The following ZNF774 variants were observed in gnomAD, a reference collection of about 807,000 sequenced individuals.
ZNF774 encodes zinc finger protein 774.
A neutral mutation model predicts 11.1 loss-of-function variants in ZNF774; 14 were observed. The ratio of observed to expected loss-of-function variants is 1.26; its 90% CI spans 0.83 to 1.97. ZNF774 has a LOEUF of 1.97. Among genes scored for constraint, ZNF774 ranks in the 30% most tolerant of loss-of-function variants. ZNF774 has a pLI of 0.00. For synonymous variants in ZNF774, 195 were observed against 212.6 expected (o/e 0.92, Z 0.72); for missense variants, 599 against 587.0 (o/e 1.02, Z -0.21).
Position 90,354,708 on chromosome 15 carries a change from A to G in ZNF774, c.48A>G (p.Leu16=). 6.2e-7 allele frequency: 1 copy of G among 1,612,514 alleles called. No individual in the cohort carries two copies. Among genetic ancestry groups the G allele is most frequent in the Non-Finnish European group, 8.5e-7 (1 of 1,179,392 alleles). The change falls in exon 2 of 4, where the codon TTA becomes TTG. Residue 16 remains leucine, a synonymous_variant. Transcript: ENST00000354377. ...SGKSGLPGHC[L]ENPLQECHPA... The stretch of plus-strand genomic sequence containing the variant: ...AGAGTGGGTTACCTGGACACTGCTT[A>G]GAGAATCCTCTCCAGGAATGCCACC...
intron 2 of ZNF774, among the ~76,000 whole-genome samples, chr15:90,357,956 T>C (rs1596230533): frequency 6.6e-6 from 1 of 150,388 alleles, no homozygotes; most frequent in Non-Finnish European, 1.5e-5. Context: ...AGTGCAGTGG[T>C]GTGACCTCGA....
chr15:90,353,744 T>C (rs991991530), intron 1 of ZNF774, among the ~76,000 whole-genome samples: 3 of 152,048 alleles, frequency 2.0e-5, no homozygotes, highest in African/African-American at 4.8e-5. Context: ...CACAAGTGCA[T>C]GCCACCATGC....
chr15:90,359,942 T>C (rs2151682785), intron 3 of ZNF774, 101 bp from the exon 4 acceptor site: 1 of 1,322,142 alleles, frequency 7.6e-7, no homozygotes, highest in Non-Finnish European at 1.0e-6. Flanking sequence ...TTAAGTGCAG[T>C]CTGCTGCAGA....
Position 90,358,866 on chromosome 15 carries a change from T to C in ZNF774, c.120T>C (p.Ser40=). ...EWALKGISRP[S]VISQPEQKEE... Reference sequence around the variant, plus strand: ...TCCTGTGTAGAATTTCCAGGCCTAGTGTAATCTCCCAGCCGGAGCAGAAAG... The same window carrying C: ...TCCTGTGTAGAATTTCCAGGCCTAGCGTAATCTCCCAGCCGGAGCAGAAAG... The change falls in exon 3 of 4, where the codon AGT becomes AGC. Residue 40 remains serine (S), a synonymous_variant. Coordinates refer to ENST00000354377, the MANE Select transcript of ZNF774 (RefSeq NM_001004309.3). The C allele has an allele frequency of 4.3e-6, 7 of 1,613,074 alleles. No individual in the cohort carries two copies. The highest frequency in any genetic ancestry group is 5.9e-6 in the Non-Finnish European group (7 of 1,179,368).
chr15:90,360,144 C>A lies in ZNF774; in HGVS notation c.313C>A (p.Leu105Ile). The change falls in exon 4 of 4, where the codon CTT (leucine) becomes ATT (isoleucine). Residue 105 changes from leucine (L) to isoleucine (I), a missense_variant. Coordinates refer to ENST00000354377, the MANE Select transcript of ZNF774 (RefSeq NM_001004309.3). ...ERTNKDLSHT[L>I]SWGGNWEQGL... ...GACCAATAAAGATCTTTCTCATACT[C>A]TTAGTTGGGGAGGAAACTGGGAGCA... The A allele has an allele frequency of 6.2e-7, 1 of 1,614,164 alleles. No individual in the cohort carries two copies. The highest frequency in any genetic ancestry group is 1.1e-5 in the South Asian group (1 of 91,088).
Position 90,362,247 on chromosome 15 carries a change from G to A in ZNF774, c.*964G>A. 9.3e-6 allele frequency: 3 copies of A among 324,206 alleles called. No individual in the cohort carries two copies. Among genetic ancestry groups the A allele is most frequent in the Non-Finnish European group, 1.7e-5 (3 of 172,402 alleles). 20.1% of individuals were successfully genotyped at this position (324,206 alleles called of 1,614,324 possible). A position where few individuals can be genotyped will look rare whatever the true frequency, so the allele number is the denominator to read the frequency against. ...GGCCAAATTATCGTAGAGGATGTTT[G>A]CGGTCTTGTGACTTGGAGGCTGAAA... On this transcript the variant is annotated 3_prime_UTR_variant, in exon 4 of 4. Coordinates refer to ENST00000354377, the MANE Select transcript of ZNF774 (RefSeq NM_001004309.3).
Position 90,361,341 on chromosome 15 carries a change from A to C in ZNF774, c.*58A>C. The C allele has an allele frequency of 3.9e-6, 6 of 1,524,336 alleles. No homozygotes were observed. Among genetic ancestry groups the C allele is most frequent in the Non-Finnish European group, 5.3e-6 (6 of 1,142,292 alleles). The allele number at this position is 1,524,336 out of a possible 1,614,324, so 94.4% of individuals were successfully genotyped here. A position where few individuals can be genotyped will look rare whatever the true frequency, so the allele number is the denominator to read the frequency against. On this transcript the variant is annotated 3_prime_UTR_variant, in exon 4 of 4. Transcript: ENST00000354377. ...CACATTTTCATTGCTACTGTCTTCA[A>C]GCACCCCAAATAGAGAAAACCTGGG...
intron 1 of ZNF774, 102 bp downstream of exon 1, chr15:90,352,513 G>T (rs1964187321): frequency 6.6e-6 from 1 of 152,422 alleles, no homozygotes; most frequent in Admixed American, 6.5e-5. Context: ...CGGGGTTCCC[G>T]CGCTGGCCTT....
At position 90,362,665 on chromosome 15, in the gene ZNF774, T is replaced by C. The variant is rs1964352855; in HGVS notation, c.*1382T>C. 1 of 1,338,502 alleles carries C rather than the reference T, an allele frequency of 7.5e-7. No homozygotes were observed. Among genetic ancestry groups the C allele is most frequent in the African/African-American group, 1.5e-5 (1 of 68,904 alleles). 82.9% of individuals were successfully genotyped at this position (1,338,502 alleles called of 1,614,324 possible). On this transcript the variant is annotated 3_prime_UTR_variant, in exon 4 of 4. Transcript: ENST00000354377. Reference sequence around the variant, plus strand: ...AGGTAAAGTATTTGAGTCCTGGCCCTGACGCTTAATTTGGCCAGACTTTCA... The same window carrying C: ...AGGTAAAGTATTTGAGTCCTGGCCCCGACGCTTAATTTGGCCAGACTTTCA...
At chr15:90,355,521 G>C (rs549575510) in intron 2 of ZNF774, 38 of 438,666 alleles carry the variant, frequency 8.7e-5, no homozygotes, top group African/African-American at 7.0e-4. Flanking sequence ...TCAGGAGTTC[G>C]AGACCAGCCT....
chr15:90,355,884 C>T (rs1220745469), intron 2 of ZNF774, among the ~76,000 whole-genome samples: 1 of 150,852 alleles, frequency 6.6e-6, no homozygotes, highest in Non-Finnish European at 1.5e-5. Context: ...AAAAAATTAG[C>T]CAGGCATGGT....
At chr15:90,356,697 T>G (rs1964254160) in intron 2 of ZNF774, among the ~76,000 whole-genome samples, 1 of 152,264 alleles carries the variant, frequency 6.6e-6, no homozygotes, top group South Asian at 2.1e-4. Flanking sequence ...CTTTCTTCCA[T>G]GTTGTATTGT....
Position 90,361,191 on chromosome 15 carries a change from A to G in ZNF774, c.1360A>G (p.Thr454Ala), listed in dbSNP as rs558354543. Residue 454 changes from threonine to alanine, a missense_variant, in exon 4 of 4, where the codon ACA becomes GCA. Transcript: ENST00000354377. ...TTTCCTCACACACCAGAGAACGCAT[A>G]CAGGAGAAAAACCTTTCCACTGTAG... ...SHFLTHQRTH[T>A]GEKPFHCSKC... The G allele has an allele frequency of 8.7e-6, 14 of 1,614,220 alleles. No homozygotes were observed. In the Middle Eastern group the frequency reaches 6.6e-4, roughly 76 times the overall value.
At chr15:90,359,226 C>T (rs188086402) in intron 3 of ZNF774, among the ~76,000 whole-genome samples, 2,843 of 151,014 alleles carry the variant, frequency 0.019, 32 homozygotes, top group Middle Eastern at 0.044. Context: ...GCGCCCGCCA[C>T]CGCGCCCGGC....
rs369362537 is a variant in ZNF774, at chr15:90,360,755, G to A, written c.924G>A (p.Lys308=). The change falls in exon 4 of 4, where the codon AAG becomes AAA. Residue 308 remains lysine (K), a synonymous_variant. Coordinates refer to ENST00000354377, the MANE Select transcript of ZNF774 (RefSeq NM_001004309.3). ...ESFSQSSDLI[K]HQRTHTGERP... ...TTAGCCAGAGCTCGGATTTGATTAA[G>A]CACCAACGAACCCACACGGGAGAAC... The A allele has an allele frequency of 1.5e-5, 25 of 1,614,186 alleles. No individual in the cohort carries two copies. The highest frequency in any genetic ancestry group is 1.6e-4 in the Middle Eastern group (1 of 6,062).
intron 1 of ZNF774, 82 bp from the exon 2 acceptor site, chr15:90,354,560 A>C: frequency 1.2e-6 from 1 of 856,460 alleles, no homozygotes; most frequent in Admixed American, 2.3e-5. Context: ...GTTTGTGTAC[A>C]CTGGTGGCCA....
chr15:90,357,147 C>T (rs1431304743), intron 2 of ZNF774, among the ~76,000 whole-genome samples: 1 of 152,080 alleles, frequency 6.6e-6, no homozygotes, highest in Non-Finnish European at 1.5e-5. Flanking sequence ...TTGATTTATT[C>T]CCACAAACAT....
chr15:90,356,540 A>G (rs1313212000), intron 2 of ZNF774, among the ~76,000 whole-genome samples: 2 of 152,200 alleles, frequency 1.3e-5, no homozygotes, highest in Non-Finnish European at 2.9e-5. Flanking sequence ...TTCAATAAAA[A>G]GTCAAGCAAA....
intron 1 of ZNF774, among the ~76,000 whole-genome samples, chr15:90,354,355 G>A (rs1312616506): frequency 6.6e-6 from 1 of 152,134 alleles, no homozygotes; most frequent in African/African-American, 2.4e-5. Context: ...CTTGTTCATC[G>A]TGGACAATTT....
Sources: gnomAD v4.1 joint callset for allele counts (sites outside exome capture counted in the v4.1 genomes callset) on GRCh38, gnomAD v4.1.1 for gene constraint, MANE v1.5 for transcripts, NCBI Gene and HGNC (gene_info 2026-07-23, HGNC 2026-07-21) for gene names.